The following FRMD5 variants were observed in gnomAD, a reference collection of about 807,000 sequenced individuals.
FRMD5 encodes FERM domain containing 5, also known as FERM domain-containing protein 5.
FRMD5 carries 20 observed loss-of-function variants against 69.0 expected under a neutral mutation model. The observed-to-expected ratio is 0.29, with a 90% CI of 0.20 to 0.42. FRMD5 has a LOEUF of 0.42. Ranked by LOEUF, FRMD5 falls within the 10% of genes least tolerant of loss-of-function variation. The pLI, the probability that FRMD5 is intolerant of heterozygous loss-of-function variation, is 1.00. For missense variants in FRMD5, 595 were observed against 708.6 expected, an observed-to-expected ratio of 0.84 and a Z score of 1.82; for synonymous variants, 271 against 260.1, an observed-to-expected ratio of 1.04 and a Z score of -0.40.
chr15:44,144,000 C>T (rs955476062), intron 1 of FRMD5, among the ~76,000 whole-genome samples: 2 of 147,334 alleles, frequency 1.4e-5, no homozygotes, highest in African/African-American at 2.5e-5. Flanking sequence ...AAAAGAGAAA[C>T]GTAAATATAC....
intron 1 of FRMD5, among the ~76,000 whole-genome samples, chr15:44,135,843 A>C (rs2077175894): frequency 6.8e-6 from 1 of 147,396 alleles, no homozygotes; most frequent in African/African-American, 2.6e-5. Flanking sequence ...AAAAAAAAAA[A>C]CTACAAATCA....
At chr15:43,905,625 TGGAGAG>T (rs1427107194) in intron 6 of FRMD5, among the ~76,000 whole-genome samples, 197 bp downstream of exon 6, 6 of 152,162 alleles carry the variant, frequency 3.9e-5, no homozygotes, top group Non-Finnish European at 7.4e-5. Context: ...TCGCTTTTCT[TGGAGAG>T]GGAGCCTACA....
chr15:44,127,281 A>G (rs746323544), intron 1 of FRMD5, among the ~76,000 whole-genome samples: 3 of 152,210 alleles, frequency 2.0e-5, no homozygotes, highest in African/African-American at 4.8e-5. Flanking sequence ...TGGTGGAGAC[A>G]GGGTTTCGCC....
At chr15:44,190,590 T>C (rs2078176484) in intron 1 of FRMD5, among the ~76,000 whole-genome samples, 1 of 152,192 alleles carries the variant, frequency 6.6e-6, no homozygotes, top group Non-Finnish European at 1.5e-5. Flanking sequence ...AAAGGATAAT[T>C]GCAGAAATTG....
intron 1 of FRMD5, among the ~76,000 whole-genome samples, chr15:44,003,277 G>A (rs1255958578): frequency 6.6e-6 from 1 of 151,996 alleles, no homozygotes; most frequent in East Asian, 1.9e-4. Context: ...CATCGTCTTG[G>A]GCCTAGATTG....
intron 1 of FRMD5, among the ~76,000 whole-genome samples, chr15:44,138,897 C>A (rs1179914258): frequency 6.6e-6 from 1 of 152,076 alleles, no homozygotes; most frequent in Non-Finnish European, 1.5e-5. Flanking sequence ...ATAGACAAAT[C>A]TAAAGAGACA....
chr15:44,113,567 T>C (rs2076828941), intron 1 of FRMD5, among the ~76,000 whole-genome samples: 1 of 152,362 alleles, frequency 6.6e-6, no homozygotes, highest in East Asian at 1.9e-4. Context: ...TCTAATTATA[T>C]ACTCCTTTAG....
chr15:44,088,394 C>T (rs1894294387), intron 1 of FRMD5, among the ~76,000 whole-genome samples: 2 of 152,212 alleles, frequency 1.3e-5, no homozygotes, highest in African/African-American at 4.8e-5. Context: ...TTAATATAAA[C>T]AGAATCATAA....
intron 1 of FRMD5, among the ~76,000 whole-genome samples, chr15:44,013,342 G>C (rs1177962084): frequency 6.6e-6 from 1 of 152,120 alleles, no homozygotes; most frequent in East Asian, 1.9e-4. Flanking sequence ...AAGTCCCTAA[G>C]TTACAAAAAA....
intron 1 of FRMD5, among the ~76,000 whole-genome samples, chr15:43,950,191 C>A (rs2090005618): frequency 6.6e-6 from 1 of 152,180 alleles, no homozygotes; most frequent in African/African-American, 2.4e-5. Context: ...GAAACCCATT[C>A]AGATCTCTGC....
At chr15:44,119,335 T>C (rs2076914366) in intron 1 of FRMD5, among the ~76,000 whole-genome samples, 1 of 152,176 alleles carries the variant, frequency 6.6e-6, no homozygotes, top group Non-Finnish European at 1.5e-5. Flanking sequence ...TAAAATGGCT[T>C]ACCAATCTTC....
chr15:43,902,609 G>C (rs186306770), intron 6 of FRMD5, among the ~76,000 whole-genome samples: 47 of 150,438 alleles, frequency 3.1e-4, no homozygotes, highest in Admixed American at 1.8e-3. Flanking sequence ...AGGATTGCTT[G>C]AGCCCAGGAG....
chr15:44,096,120 C>A (rs1222181236), intron 1 of FRMD5, among the ~76,000 whole-genome samples: 2 of 147,192 alleles, frequency 1.4e-5, no homozygotes. Flanking sequence ...GCAGGAGAAT[C>A]GCTTGAACCC....
intron 1 of FRMD5, among the ~76,000 whole-genome samples, chr15:44,031,958 A>G (rs1235532960): frequency 6.6e-6 from 1 of 152,172 alleles, no homozygotes; most frequent in African/African-American, 2.4e-5. Context: ...TAATTCCTGC[A>G]AGTCTACAGT....
intron 1 of FRMD5, among the ~76,000 whole-genome samples, chr15:43,942,098 G>A (rs1411730289): frequency 6.6e-6 from 1 of 152,142 alleles, no homozygotes; most frequent in Admixed American, 6.6e-5. Context: ...AGGGGTAGAG[G>A]GAGAGGAAGG....
chr15:44,132,758 G>GTATT (rs1477199618), intron 1 of FRMD5, among the ~76,000 whole-genome samples: 86 of 120,642 alleles, frequency 7.1e-4, no homozygotes, highest in South Asian at 2.1e-3. Context: ...ATGTATGTAT[G>GTATT]TATGTATTTA....
At chr15:44,097,564 G>A (rs1377297948) in intron 1 of FRMD5, among the ~76,000 whole-genome samples, 2 of 152,204 alleles carry the variant, frequency 1.3e-5, no homozygotes, top group African/African-American at 4.8e-5. Flanking sequence ...ACCTCGGGGA[G>A]GGCTCTGCCT....
intron 1 of FRMD5, among the ~76,000 whole-genome samples, chr15:44,103,931 T>C (rs2076676820): frequency 6.6e-6 from 1 of 152,250 alleles, no homozygotes; most frequent in South Asian, 2.1e-4. Flanking sequence ...TAAACAAACC[T>C]ACTGCAATGC....
At chr15:44,070,077 T>C (rs983009181) in intron 1 of FRMD5, among the ~76,000 whole-genome samples, 4 of 152,158 alleles carry the variant, frequency 2.6e-5, no homozygotes, top group Admixed American at 2.0e-4. Flanking sequence ...ACTATTGAAA[T>C]GGCTTAGGAA....
Sources: allele counts gnomAD v4.1 joint callset (sites outside exome capture counted in the v4.1 genomes callset), GRCh38; gene constraint gnomAD v4.1.1; transcripts MANE v1.5; gene names NCBI Gene and HGNC (gene_info 2026-07-23, HGNC 2026-07-21).